The following FGF12 variants were observed in gnomAD, a reference collection of about 807,000 sequenced individuals.
The protein encoded by FGF12 is fibroblast growth factor 12B.
A neutral mutation model predicts 23.6 loss-of-function variants in FGF12; 14 were observed. The observed-to-expected ratio is 0.59, with a 90% CI of 0.39 to 0.93. The LOEUF (loss-of-function observed/expected upper bound fraction) is 0.93, where lower values mean the gene tolerates loss of function less well. Ranked by LOEUF, FGF12 falls within the 40% of genes least tolerant of loss-of-function variation. The pLI is 0.00. For synonymous variants in FGF12, 62 were observed against 77.3 expected (o/e 0.80, Z 1.04); for missense variants, 175 against 217.8 (o/e 0.80, Z 1.24).
At chr3:192,323,120 T>C (rs973635277) in intron 4 of FGF12, among the ~76,000 whole-genome samples, 1 of 152,170 alleles carries the variant, frequency 6.6e-6, no homozygotes, top group Non-Finnish European at 1.5e-5. Context: ...ACACTGTTGA[T>C]AGGAGTGTGA....
At chr3:192,536,419 A>G (rs1725223597) in intron 2 of FGF12, among the ~76,000 whole-genome samples, 2 of 152,188 alleles carry the variant, frequency 1.3e-5, no homozygotes, top group Non-Finnish European at 2.9e-5. Flanking sequence ...ACCAACAAAT[A>G]TCATGCCCTC....
intron 4 of FGF12, among the ~76,000 whole-genome samples, chr3:192,282,139 A>G (rs1983410): frequency 0.36 from 54,933 of 150,580 alleles, 11,019 homozygotes; most frequent in East Asian, 0.9. Context: ...TATATTTTCA[A>G]TCTTCTAAAT....
intron 2 of FGF12, among the ~76,000 whole-genome samples, chr3:192,443,633 A>G (rs1722269023): frequency 6.6e-6 from 1 of 152,208 alleles, no homozygotes; most frequent in African/African-American, 2.4e-5. Flanking sequence ...TTCGGTTAAG[A>G]CCTGAGTTCA....
At position 192,705,807 on chromosome 3, in the gene FGF12, G is replaced by A. The variant is rs533510142; in HGVS notation, c.13+21374C>T. Reference sequence around the variant, plus strand: ...CAACATCTGCAAAGTACAATGACACGAGGCATCCCTGTATAATTTTTAAGC... The same window carrying A: ...CAACATCTGCAAAGTACAATGACACAAGGCATCCCTGTATAATTTTTAAGC... On this transcript the variant is annotated intron_variant, in intron 2 of 5. Coordinates refer to ENST00000445105, the MANE Select transcript of FGF12 (RefSeq NM_004113.6). Among the ~76,000 whole-genome samples the A allele has an allele frequency of 1.2e-4, 18 of 152,230 alleles. No individual in the cohort carries two copies. In the South Asian group the frequency reaches 3.5e-3, roughly 30 times the overall value.
chr3:192,275,915 A>C (rs1330157639), intron 4 of FGF12, among the ~76,000 whole-genome samples: 2 of 152,178 alleles, frequency 1.3e-5, no homozygotes, highest in Admixed American at 6.6e-5. Flanking sequence ...CACCTCACTG[A>C]GATGGATTGG....
At chr3:192,488,541 TTTTC>T (rs1177931436) in intron 2 of FGF12, among the ~76,000 whole-genome samples, 21 of 152,084 alleles carry the variant, frequency 1.4e-4, no homozygotes, top group Non-Finnish European at 2.9e-4. Context: ...GTTGTGATTC[TTTTC>T]TTTCTCTTTC....
intron 4 of FGF12, among the ~76,000 whole-genome samples, chr3:192,332,888 C>G (rs1717197142): frequency 2.0e-5 from 3 of 152,058 alleles, no homozygotes; most frequent in African/African-American, 7.2e-5. Flanking sequence ...ACCAGAAACA[C>G]CTCAGGAAAG....
intron 5 of FGF12, among the ~76,000 whole-genome samples, chr3:192,158,340 T>TTCTTTCTTTCTTTC (rs1714569073): frequency 4.4e-5 from 3 of 67,782 alleles, no homozygotes; most frequent in Non-Finnish European, 6.3e-5. Flanking sequence ...TTCTCTTTCT[T>TTCTTTCTTTCTTTC]TCTTTCTTTC....
chr3:192,203,397 T>C (rs1403039), intron 4 of FGF12, among the ~76,000 whole-genome samples: 39,251 of 151,896 alleles, frequency 0.26, 6,406 homozygotes, highest in African/African-American at 0.46. Flanking sequence ...TTTGCACATA[T>C]CCTTATTGAA....
intron 4 of FGF12, among the ~76,000 whole-genome samples, chr3:192,290,224 G>A (rs1404251596): frequency 6.6e-6 from 1 of 152,088 alleles, no homozygotes; most frequent in Non-Finnish European, 1.5e-5. Context: ...TATGTGAGAT[G>A]ATAAATATGT....
chr3:192,394,319 T>A (rs953740879), intron 2 of FGF12, among the ~76,000 whole-genome samples: 14 of 152,148 alleles, frequency 9.2e-5, no homozygotes, highest in African/African-American at 3.4e-4. Context: ...TCAATTTGTG[T>A]CCAGTTGAAT....
intron 4 of FGF12, among the ~76,000 whole-genome samples, chr3:192,286,082 C>G (rs151291055): frequency 1.4e-3 from 212 of 152,026 alleles, no homozygotes; most frequent in African/African-American, 4.6e-3. Flanking sequence ...AGTGAAAATT[C>G]CAATAAGGAG....
chr3:192,554,982 T>G (rs1711701830), intron 2 of FGF12, among the ~76,000 whole-genome samples: 1 of 151,782 alleles, frequency 6.6e-6, no homozygotes, highest in Non-Finnish European at 1.5e-5. Context: ...AATTATCCAG[T>G]AGGAGAAAAG....
intron 2 of FGF12, among the ~76,000 whole-genome samples, chr3:192,423,255 C>T (rs1560106909): frequency 6.6e-6 from 1 of 152,122 alleles, no homozygotes; most frequent in Admixed American, 6.6e-5. Context: ...CTAAGCAATT[C>T]TCCTAGAGCC....
At chr3:192,238,840 C>A (rs1295108140) in intron 4 of FGF12, among the ~76,000 whole-genome samples, 1 of 152,170 alleles carries the variant, frequency 6.6e-6, no homozygotes, top group African/African-American at 2.4e-5. Context: ...CAATGGCAAT[C>A]TTTGGACAGT....
intron 4 of FGF12, among the ~76,000 whole-genome samples, chr3:192,297,861 T>C (rs1389746967): frequency 6.6e-6 from 1 of 152,230 alleles, no homozygotes; most frequent in Non-Finnish European, 1.5e-5. Flanking sequence ...TAGGTTTCTT[T>C]ATGCTCTCTA....
chr3:192,687,697 C>G (rs150726390), intron 2 of FGF12, among the ~76,000 whole-genome samples: 3 of 152,142 alleles, frequency 2.0e-5, no homozygotes, highest in African/African-American at 7.2e-5. Context: ...GCCCCACCCC[C>G]CAGCTCCTGC....
At chr3:192,645,620 T>A (rs1715974798) in intron 2 of FGF12, among the ~76,000 whole-genome samples, 1 of 152,014 alleles carries the variant, frequency 6.6e-6, no homozygotes, top group African/African-American at 2.4e-5. Context: ...GCATCAGATA[T>A]GTCTAGGGGA....
At chr3:192,458,848 A>G (rs1277961062) in intron 2 of FGF12, among the ~76,000 whole-genome samples, 1 of 152,188 alleles carries the variant, frequency 6.6e-6, no homozygotes, top group Non-Finnish European at 1.5e-5. Flanking sequence ...CTCATCTTGA[A>G]TTGTATCCCC....
Sources: allele counts gnomAD v4.1 joint callset (sites outside exome capture counted in the v4.1 genomes callset), GRCh38; gene constraint gnomAD v4.1.1; transcripts MANE v1.5; gene names NCBI Gene and HGNC (gene_info 2026-07-23, HGNC 2026-07-21).